PIGG: variants seen among roughly 807,000 people sequenced by gnomAD.
PIGG encodes the protein phosphatidylinositol glycan anchor biosynthesis class G (EMM blood group).
PIGG carries 70 observed loss-of-function variants against 83.2 expected under a neutral mutation model. The observed-to-expected ratio is 0.84, with a 90% CI of 0.69 to 1.03. The LOEUF is 1.03. PIGG is among the 50% of genes least tolerant of loss of function. PIGG has a pLI of 0.00. For missense variants in PIGG, 1,257 were observed against 1,233.6 expected, an observed-to-expected ratio of 1.02 and a Z score of -0.28; for synonymous variants, 532 against 519.5, an observed-to-expected ratio of 1.02 and a Z score of -0.33.
chr4:508,446 C>T (rs1193179841), intron 4 of PIGG, among the ~76,000 whole-genome samples: 1 of 152,244 alleles, frequency 6.6e-6, no homozygotes, highest in Non-Finnish European at 1.5e-5. Context: ...TTGCCTTTTG[C>T]TGTGTGTTGT....
At chr4:506,767 A>C (rs781981034) in intron 3 of PIGG, 1 of 456,230 alleles carries the variant, frequency 2.2e-6, no homozygotes, top group Non-Finnish European at 4.4e-6. Context: ...TCAGAAATCA[A>C]TGTGATCATT....
At chr4:539,043 C>T (rs1415478285) in intron 12 of PIGG, 110 bp from the exon 13 acceptor site, 2 of 699,556 alleles carry the variant, frequency 2.9e-6, no homozygotes, top group Non-Finnish European at 5.1e-6. Context: ...ACGCGGTGCC[C>T]TCTACTCCAA....
At position 507,897 on chromosome 4, in the gene PIGG, ACT is replaced by A. The variant is rs1720365881; in HGVS notation, c.759+307_759+308del. Among the ~76,000 whole-genome samples the A allele has an allele frequency of 5.3e-5, 8 of 149,770 alleles. No homozygotes were observed. The South Asian group carries it at 1.7e-3, about 32-fold the overall frequency. ...TGTATCACTCTCTCTGTTCTGTGCC[ACT>A]CTGTTCTGTGTCACTTTCTGTTCTG... On this transcript the variant is annotated intron_variant, in intron 4 of 12. Coordinates refer to ENST00000453061, the MANE Select transcript of PIGG (RefSeq NM_001127178.3).
intron 5 of PIGG, among the ~76,000 whole-genome samples, chr4:511,104 A>C (rs765682259): frequency 6.6e-6 from 1 of 151,798 alleles, no homozygotes; most frequent in Non-Finnish European, 1.5e-5. Context: ...GACCAGCCTG[A>C]CCAACATGGA....
chr4:499,579 C>G (rs1576985560), intron 1 of PIGG, 90 bp downstream of exon 1: 1 of 1,452,452 alleles, frequency 6.9e-7, no homozygotes. Context: ...GATTTCTTCT[C>G]GGCGCTCCCC....
intron 2 of PIGG, 71 bp downstream of exon 2, chr4:500,672 C>G (rs1717349286): frequency 2.0e-6 from 2 of 989,122 alleles, no homozygotes; most frequent in South Asian, 1.3e-5. Flanking sequence ...TCTCTGTAGT[C>G]TTTCGCTTGG....
At chr4:529,920 C>G (rs374930299) in intron 10 of PIGG, among the ~76,000 whole-genome samples, 1 of 152,238 alleles carries the variant, frequency 6.6e-6, no homozygotes, top group Non-Finnish European at 1.5e-5. Flanking sequence ...GACTGCACCA[C>G]TGCACGCGTG....
At chr4:525,409 AAGGG>A in intron 9 of PIGG, 4 of 972,542 alleles carry the variant, frequency 4.1e-6, no homozygotes, top group Non-Finnish European at 4.9e-6. Context: ...GAGTAACAGC[AAGGG>A]TTGCGGTCCC....
chr4:509,524 T>TG (rs1721147427), intron 5 of PIGG, among the ~76,000 whole-genome samples: 1 of 152,190 alleles, frequency 6.6e-6, no homozygotes, highest in Admixed American at 6.5e-5. Flanking sequence ...GCCTTCCACT[T>TG]GCGCCTGGCT....
intron 12 of PIGG, 60 bp downstream of exon 12, chr4:534,041 C>T (rs959003277): frequency 8.7e-6 from 13 of 1,498,604 alleles, no homozygotes; most frequent in Admixed American, 3.5e-5. Context: ...TTTTAAGGGT[C>T]GTACTTTGTT....
Position 528,346 on chromosome 4 carries a change from G to C in PIGG, c.2261+1116G>C. On this transcript the variant is annotated intron_variant, in intron 10 of 12. Transcript: ENST00000453061. The surrounding 1 kb of genome is among the most constrained non-coding windows in gnomAD (Gnocchi z 4.8). Reference sequence around the variant, plus strand: ...TTACTTATTTTTGTATCTTAGCGATGTCTAGAGTTAATAAGTGTTGCTTTT... The same window carrying C: ...TTACTTATTTTTGTATCTTAGCGATCTCTAGAGTTAATAAGTGTTGCTTTT... The C allele has an allele frequency of 1.0e-6, 1 of 985,232 alleles. No individual in the cohort carries two copies. Among genetic ancestry groups the C allele is most frequent in the Non-Finnish European group, 1.2e-6 (1 of 829,784 alleles). 61.0% of individuals were successfully genotyped at this position (985,232 alleles called of 1,614,324 possible). A position where few individuals can be genotyped will look rare whatever the true frequency, so the allele number is the denominator to read the frequency against.
intron 6 of PIGG, among the ~76,000 whole-genome samples, chr4:517,854 C>T (rs768083098): frequency 6.6e-6 from 1 of 152,164 alleles, no homozygotes; most frequent in Non-Finnish European, 1.5e-5. Flanking sequence ...TCTGACGCAG[C>T]CGCGTTCATC....
At position 533,991 on chromosome 4, in the gene PIGG, C is replaced by T. The variant is rs775680971; in HGVS notation, c.2735+10C>T. 3 of 1,613,330 alleles carry T rather than the reference C, an allele frequency of 1.9e-6. No homozygotes were observed. The highest frequency in any genetic ancestry group is 2.2e-5 in the East Asian group (1 of 44,866). Reference sequence around the variant, plus strand: ...GCTCAGAAACACGCAGGTGAGGCGCCTCTCTGCCGTCAGCACAGTTCTGGG... The same window carrying T: ...GCTCAGAAACACGCAGGTGAGGCGCTTCTCTGCCGTCAGCACAGTTCTGGG... On this transcript the variant is annotated intron_variant, in intron 12 of 12. Coordinates refer to ENST00000453061, the MANE Select transcript of PIGG (RefSeq NM_001127178.3).
rs148712954 is a variant in PIGG, at chr4:505,770, A to G, written c.413A>G (p.Asn138Ser). 23 of 1,613,652 alleles carry G rather than the reference A, an allele frequency of 1.4e-5. No homozygotes were observed. The highest frequency in any genetic ancestry group is 8.3e-5 in the Admixed American group (5 of 59,900). ...TTTGTCGACGTCATCAGGAACCTCA[A>G]TTCTCCTGCACTGCTGGAAGACAGT... The part of the protein sequence containing the change: ...PGFVDVIRNL[N>S]SPALLEDSVI... The change falls in exon 3 of 13, where the codon AAT (asparagine) becomes AGT (serine). Residue 138 changes from asparagine to serine, a missense_variant. Transcript: ENST00000453061.
chr4:530,408 G>T (rs761674973), intron 10 of PIGG, 28 bp from the exon 11 acceptor site: 2 of 1,513,860 alleles, frequency 1.3e-6, no homozygotes, highest in African/African-American at 1.4e-5. Context: ...TGGTGCTAAT[G>T]AATCTAACTT....
At chr4:518,715 T>C (rs1724764178) in intron 6 of PIGG, among the ~76,000 whole-genome samples, 1 of 152,126 alleles carries the variant, frequency 6.6e-6, no homozygotes, top group Non-Finnish European at 1.5e-5. Flanking sequence ...GAAACCAGCC[T>C]GTTAAAGGAA....
chr4:501,100 G>T, intron 2 of PIGG: 1 of 456,326 alleles, frequency 2.2e-6, no homozygotes, highest in South Asian at 1.5e-5. Flanking sequence ...ATATCCTTCA[G>T]GTGTCCAGCC....
At chr4:534,319 T>C (rs1729835418) in intron 12 of PIGG, among the ~76,000 whole-genome samples, 1 of 152,204 alleles carries the variant, frequency 6.6e-6, no homozygotes, top group African/African-American at 2.4e-5. Context: ...TTTTTCTGTT[T>C]GCTGGTGGCC....
rs1213739489 is a variant in PIGG, at chr4:515,976, A to C, written c.905A>C (p.Asp302Ala). 1 of 1,612,878 alleles carries C rather than the reference A, an allele frequency of 6.2e-7. No homozygotes were observed. The highest frequency in any genetic ancestry group is 1.3e-5 in the African/African-American group (1 of 74,906). ...TAAAATGTTTTCTTTCTTCTAGGTG[A>C]TATCCGACATCCAAAGCACGTCCAA... ...ISSAFERKPGDIRHPKHVQQT... is the reference protein window; with the variant it reads ...ISSAFERKPGAIRHPKHVQQT... The change falls in exon 6 of 13, where the codon GAT becomes GCT. Residue 302 changes from aspartate (D) to alanine (A), a missense_variant. Physicochemically the swap from Asp to Ala is moderately radical, Grantham distance 126 (BLOSUM62 -2). Transcript: ENST00000453061. This position sits in a 1 kb window ranked among gnomAD's most constrained non-coding sequence, Gnocchi z 4.2.
Sources: gnomAD v4.1 joint callset for allele counts (sites outside exome capture counted in the v4.1 genomes callset) on GRCh38, gnomAD v4.1.1 for gene constraint, Gnocchi (gnomAD v3.1) non-coding constraint, MANE v1.5 for transcripts, NCBI Gene and HGNC (gene_info 2026-07-23, HGNC 2026-07-21) for gene names.